NRXN1: variants seen among roughly 807,000 people sequenced by gnomAD.
NRXN1 encodes neurexin-1.
Under a neutral mutation model 150.9 loss-of-function variants are expected in NRXN1, and 39 were observed. The observed-to-expected ratio is 0.26, with a 90% confidence interval of 0.20 to 0.34. The LOEUF (loss-of-function observed/expected upper bound fraction) is 0.34, where lower values mean the gene tolerates loss of function less well. Ranked by LOEUF, NRXN1 falls within the 10% of genes least tolerant of loss-of-function variation. NRXN1 has a pLI of 1.00. For synonymous variants in NRXN1, 924 were observed against 757.0 expected (o/e 1.22, Z -3.62); for missense variants, 1,815 against 1,949.9 (o/e 0.93, Z 1.30).
intron 5 of NRXN1, among the ~76,000 whole-genome samples, chr2:50,823,603 A>G (rs974782505): frequency 2.6e-5 from 4 of 152,106 alleles, no homozygotes; most frequent in Non-Finnish European, 4.4e-5. Context: ...AAAAAGTCCT[A>G]TTTTACCTTA....
intron 17 of NRXN1, among the ~76,000 whole-genome samples, chr2:50,361,322 G>T (rs1406691091): frequency 6.6e-6 from 1 of 152,046 alleles, no homozygotes; most frequent in African/African-American, 2.4e-5. Context: ...AATGAAAACA[G>T]GAGGTGTTTT....
At chr2:50,757,241 T>C (rs1003043387) in intron 5 of NRXN1, among the ~76,000 whole-genome samples, 3 of 151,792 alleles carry the variant, frequency 2.0e-5, no homozygotes, top group Admixed American at 6.6e-5. Context: ...GAAATGGTTA[T>C]AGAACCAGTC....
intron 17 of NRXN1, among the ~76,000 whole-genome samples, chr2:50,344,976 A>G (rs905380971): frequency 6.6e-5 from 10 of 152,224 alleles, no homozygotes; most frequent in Non-Finnish European, 1.0e-4. Context: ...ACAATTCTGC[A>G]CAAAGGCAGG....
rs540044106 is a variant in NRXN1, at chr2:50,779,740, C to A, written c.832+142129G>T. ...CTGAGATCGCGCCACTGCACTCCAGCCTGGGTGACAGAGCCGGACTCCGTC... is the reference window on the plus strand; with the variant it reads ...CTGAGATCGCGCCACTGCACTCCAGACTGGGTGACAGAGCCGGACTCCGTC... On this transcript the variant is annotated intron_variant, in intron 5 of 22. Coordinates refer to ENST00000401669, the MANE Select transcript of NRXN1 (RefSeq NM_001330078.2). Among the ~76,000 whole-genome samples, 9 of 151,818 alleles carry A rather than the reference C, an allele frequency of 5.9e-5. 1 individual carries two copies. Among genetic ancestry groups the A allele is most frequent in the African/African-American group, 2.2e-4 (9 of 41,392 alleles).
chr2:50,887,695 A>G (rs1188877642), intron 5 of NRXN1, among the ~76,000 whole-genome samples: 1 of 151,444 alleles, frequency 6.6e-6, no homozygotes, highest in African/African-American at 2.4e-5. Context: ...CATAATAGCT[A>G]ATAACTATCA....
At chr2:50,365,119 C>CT (rs1040915331) in intron 17 of NRXN1, among the ~76,000 whole-genome samples, 16 of 150,972 alleles carry the variant, frequency 1.1e-4, no homozygotes, top group African/African-American at 3.4e-4. Context: ...CTTTTTTTTT[C>CT]TTTTTTTCAG....
At chr2:50,069,854 T>TG (rs70946886) in intron 19 of NRXN1, among the ~76,000 whole-genome samples, 87,796 of 139,588 alleles carry the variant, frequency 0.63, 27,089 homozygotes, top group African/African-American at 0.66. Flanking sequence ...GGGGTTTTTT[T>TG]TTTTTTTTTT....
chr2:50,393,303 C>A (rs1047405153), intron 17 of NRXN1, among the ~76,000 whole-genome samples: 1 of 152,056 alleles, frequency 6.6e-6, no homozygotes, highest in Non-Finnish European at 1.5e-5. Context: ...AGAACTCAAT[C>A]GCCTCTTTAG....
At chr2:50,612,578 T>C (rs1678363073) in intron 8 of NRXN1, among the ~76,000 whole-genome samples, 1 of 152,182 alleles carries the variant, frequency 6.6e-6, no homozygotes, top group South Asian at 2.1e-4. Flanking sequence ...TAATATGTTA[T>C]TATTATGCTT....
intron 18 of NRXN1, among the ~76,000 whole-genome samples, chr2:50,181,466 G>C (rs1487330495): frequency 6.6e-6 from 1 of 152,090 alleles, no homozygotes; most frequent in East Asian, 1.9e-4. Context: ...CAAAGTATCT[G>C]CTGATCTTCA....
intron 21 of NRXN1, among the ~76,000 whole-genome samples, chr2:49,978,063 G>C (rs1573181685): frequency 6.6e-6 from 1 of 152,082 alleles, no homozygotes; most frequent in Non-Finnish European, 1.5e-5. Flanking sequence ...TTGGGAGGCA[G>C]AGCCAGGAGA....
chr2:50,444,317 AATTTT>A (rs2086216077), intron 17 of NRXN1, among the ~76,000 whole-genome samples: 1 of 152,168 alleles, frequency 6.6e-6, no homozygotes, highest in Non-Finnish European at 1.5e-5. Flanking sequence ...GCCTGACTTT[AATTTT>A]CTGAAATGCA....
At chr2:50,090,028 A>G (rs958251261) in intron 19 of NRXN1, among the ~76,000 whole-genome samples, 16 of 152,192 alleles carry the variant, frequency 1.1e-4, no homozygotes, top group Non-Finnish European at 1.9e-4. Context: ...CTGAATGCCT[A>G]CTATTTGCCA....
chr2:50,474,591 T>C (rs1461728954), intron 15 of NRXN1, among the ~76,000 whole-genome samples: 2 of 139,018 alleles, frequency 1.4e-5, no homozygotes, highest in Non-Finnish European at 3.0e-5. Context: ...TGGACTTAGA[T>C]AACCTGAGAC....
chr2:50,137,364 G>A (rs893298591), intron 18 of NRXN1, among the ~76,000 whole-genome samples: 5 of 152,018 alleles, frequency 3.3e-5, no homozygotes, highest in African/African-American at 4.8e-5. Context: ...AGCTACTACC[G>A]TTTGGAGATC....
intron 5 of NRXN1, among the ~76,000 whole-genome samples, chr2:50,859,073 G>A (rs538181244): frequency 2.6e-5 from 4 of 152,120 alleles, no homozygotes; most frequent in Admixed American, 6.5e-5. Context: ...ACCCTGTTCC[G>A]AGTTGGTATT....
At chr2:50,745,304 C>CA (rs907692126) in intron 5 of NRXN1, among the ~76,000 whole-genome samples, 4 of 145,890 alleles carry the variant, frequency 2.7e-5, no homozygotes, top group East Asian at 2.1e-4. Context: ...TATCTGCCCC[C>CA]CCCCAGGACT....
chr2:50,719,780 A>G (rs1406877326), intron 5 of NRXN1, among the ~76,000 whole-genome samples: 1 of 152,126 alleles, frequency 6.6e-6, no homozygotes, highest in Non-Finnish European at 1.5e-5. Context: ...ATTGCACATA[A>G]CTCAATTTCT....
intron 5 of NRXN1, among the ~76,000 whole-genome samples, chr2:50,764,314 C>A (rs1057057833): frequency 3.3e-5 from 5 of 151,936 alleles, no homozygotes; most frequent in African/African-American, 1.2e-4. Context: ...CCAAGTTGAA[C>A]AAATGACATT....
Sources: gnomAD v4.1 joint callset for allele counts (sites outside exome capture counted in the v4.1 genomes callset) on GRCh38, gnomAD v4.1.1 for gene constraint, MANE v1.5 for transcripts, NCBI Gene and HGNC (gene_info 2026-07-23, HGNC 2026-07-21) for gene names.